DLGAP2: variants seen among roughly 807,000 people sequenced by gnomAD.
DLGAP2 encodes DLG associated protein 2.
Under a neutral mutation model 100.3 loss-of-function variants are expected in DLGAP2, and 26 were observed. The ratio of observed to expected loss-of-function variants is 0.26; its 90% CI spans 0.19 to 0.36. The LOEUF (loss-of-function observed/expected upper bound fraction) is 0.36, where lower values mean the gene tolerates loss of function less well. Ranked by LOEUF, DLGAP2 falls within the 10% of genes least tolerant of loss-of-function variation. DLGAP2 has a pLI of 1.00. For synonymous variants in DLGAP2, 886 were observed against 630.1 expected (o/e 1.41, Z -6.08); for missense variants, 1,858 against 1,453.2 (o/e 1.28, Z -4.53).
At chr8:925,307 AG>A (rs1798790067) in intron 2 of DLGAP2, among the ~76,000 whole-genome samples, 2 of 151,856 alleles carry the variant, frequency 1.3e-5, no homozygotes, top group Admixed American at 1.3e-4. Context: ...TTTTTTGTAG[AG>A]GGGGTGTCTC....
intron 1 of DLGAP2, among the ~76,000 whole-genome samples, chr8:790,356 A>G (rs770248785): frequency 6.6e-6 from 1 of 152,206 alleles, no homozygotes; most frequent in Non-Finnish European, 1.5e-5. Flanking sequence ...CGTAACCAAA[A>G]TGAAAAGATA....
intron 3 of DLGAP2, among the ~76,000 whole-genome samples, chr8:1,424,325 T>A (rs1449369156): frequency 2.6e-5 from 4 of 152,244 alleles, no homozygotes; most frequent in Non-Finnish European, 4.4e-5. Context: ...GACGTGCGTA[T>A]CAAGGGCCCA....
At chr8:822,464 A>T (rs981407892) in intron 1 of DLGAP2, among the ~76,000 whole-genome samples, 2 of 152,218 alleles carry the variant, frequency 1.3e-5, no homozygotes, top group African/African-American at 2.4e-5. Context: ...AGCTGTGTTT[A>T]AAAACTTCTC....
chr8:1,339,795 G>A (rs1200078511), intron 3 of DLGAP2, among the ~76,000 whole-genome samples: 1 of 152,206 alleles, frequency 6.6e-6, no homozygotes, highest in African/African-American at 2.4e-5. Flanking sequence ...TAGCATGGAA[G>A]GCGATGGCTC....
At chr8:809,878 G>T (rs542165017) in intron 1 of DLGAP2, among the ~76,000 whole-genome samples, 1 of 152,130 alleles carries the variant, frequency 6.6e-6, no homozygotes, top group Non-Finnish European at 1.5e-5. Flanking sequence ...CCAGTCTGTC[G>T]TCCGTCTGGC....
intron 2 of DLGAP2, among the ~76,000 whole-genome samples, chr8:1,211,428 C>T (rs1375161698): frequency 5.3e-5 from 8 of 152,180 alleles, no homozygotes; most frequent in African/African-American, 1.2e-4. Context: ...CGCTTTTTAA[C>T]GTGGAGCTGT....
intron 2 of DLGAP2, among the ~76,000 whole-genome samples, chr8:1,241,679 A>G (rs1289563792): frequency 6.6e-6 from 1 of 152,134 alleles, no homozygotes; most frequent in Non-Finnish European, 1.5e-5. Context: ...AATTAACTGT[A>G]TAATTTTAAT....
chr8:888,812 G>A (rs879330037), intron 1 of DLGAP2, among the ~76,000 whole-genome samples: 1 of 152,140 alleles, frequency 6.6e-6, no homozygotes, highest in African/African-American at 2.4e-5. Flanking sequence ...GGGTGTCTGT[G>A]TACAGGGTGT....
At chr8:795,608 G>GGAGCAGGCGTCCAGTGA (rs1796009365) in intron 1 of DLGAP2, among the ~76,000 whole-genome samples, 1 of 139,586 alleles carries the variant, frequency 7.2e-6, no homozygotes, top group African/African-American at 2.6e-5. Context: ...GGTCCGTCAT[G>GGAGCAGGCGTCCAGTGA]GAGCAGGTGT....
chr8:842,390 C>T (rs1222319125), intron 1 of DLGAP2, among the ~76,000 whole-genome samples: 1 of 152,130 alleles, frequency 6.6e-6, no homozygotes, highest in Admixed American at 6.5e-5. Flanking sequence ...TTCTGTATTC[C>T]CCTAACCTAA....
intron 1 of DLGAP2, among the ~76,000 whole-genome samples, chr8:840,345 G>A (rs1434123903): frequency 1.8e-5 from 2 of 110,474 alleles, no homozygotes; most frequent in South Asian, 3.3e-4. Flanking sequence ...TGGATTCTGC[G>A]AGCGCGTCTA....
intron 4 of DLGAP2, among the ~76,000 whole-genome samples, chr8:1,515,483 T>A (rs1800338131): frequency 6.6e-6 from 1 of 150,456 alleles, no homozygotes. Flanking sequence ...TGCAAAAATA[T>A]GCAGACAGAA....
At chr8:1,361,880 C>T (rs1002726852) in intron 3 of DLGAP2, among the ~76,000 whole-genome samples, 3 of 152,192 alleles carry the variant, frequency 2.0e-5, no homozygotes, top group Non-Finnish European at 4.4e-5. Context: ...GTTTCATTTC[C>T]GCTGGTTCTG....
At chr8:1,355,066 T>A (rs1231127393) in intron 3 of DLGAP2, among the ~76,000 whole-genome samples, 2 of 151,940 alleles carry the variant, frequency 1.3e-5, no homozygotes, top group Non-Finnish European at 2.9e-5. Flanking sequence ...ATGCTGTGGA[T>A]GAGGGTGGAA....
chr8:1,121,949 C>A (rs1318243802), intron 2 of DLGAP2, among the ~76,000 whole-genome samples: 1 of 152,222 alleles, frequency 6.6e-6, no homozygotes, highest in Non-Finnish European at 1.5e-5. Context: ...GACAGACCCT[C>A]CTAGGTATTG....
chr8:1,515,076 C>T (rs528309906), intron 4 of DLGAP2, among the ~76,000 whole-genome samples: 3 of 152,218 alleles, frequency 2.0e-5, no homozygotes, highest in African/African-American at 7.2e-5. Flanking sequence ...GGGAGACCAA[C>T]ATGCAGAAAA....
intron 1 of DLGAP2, among the ~76,000 whole-genome samples, chr8:836,566 G>A (rs1003052373): frequency 2.0e-5 from 3 of 152,220 alleles, no homozygotes; most frequent in Non-Finnish European, 4.4e-5. Flanking sequence ...GTGACCCTCT[G>A]CAGGCCAGCG....
At chr8:1,488,453 C>G (rs1048857544) in intron 3 of DLGAP2, among the ~76,000 whole-genome samples, 1 of 152,138 alleles carries the variant, frequency 6.6e-6, no homozygotes, top group Non-Finnish European at 1.5e-5. Context: ...GTTGAGCACC[C>G]AAAAGAGGCA....
chr8:1,267,623 T>TACATA (rs1799491314), intron 3 of DLGAP2, among the ~76,000 whole-genome samples: 1 of 76,626 alleles, frequency 1.3e-5, no homozygotes, highest in Non-Finnish European at 2.5e-5. Context: ...TAAGATAAGA[T>TACATA]AAATATTAAA....
Sources: allele counts gnomAD v4.1 joint callset (sites outside exome capture counted in the v4.1 genomes callset), GRCh38; gene constraint gnomAD v4.1.1; transcripts MANE v1.5; gene names NCBI Gene and HGNC (gene_info 2026-07-23, HGNC 2026-07-21).